Variants in TBC1D8 observed in about 807,000 individuals in gnomAD.
TBC1D8 encodes the protein BUB2-like protein 1.
TBC1D8 carries 65 observed loss-of-function variants against 118.8 expected under a neutral mutation model. The observed-to-expected ratio is 0.55, with a 90% CI of 0.45 to 0.67. TBC1D8 has a LOEUF of 0.67. Ranked by LOEUF, TBC1D8 falls within the 30% of genes least tolerant of loss-of-function variation. The pLI, the probability that TBC1D8 is intolerant of heterozygous loss-of-function variation, is 0.00. For missense variants in TBC1D8, 1,376 were observed against 1,471.2 expected, an observed-to-expected ratio of 0.94 and a Z score of 1.06; for synonymous variants, 566 against 595.8, an observed-to-expected ratio of 0.95 and a Z score of 0.73.
At chr2:101,115,533 T>C (rs1233130941) in intron 1 of TBC1D8, among the ~76,000 whole-genome samples, 1 of 152,138 alleles carries the variant, frequency 6.6e-6, no homozygotes, top group Non-Finnish European at 1.5e-5. Flanking sequence ...GGTGGATCAC[T>C]TGAGGCCAGG....
At chr2:101,136,343 T>A (rs1172545903) in intron 1 of TBC1D8, among the ~76,000 whole-genome samples, 1 of 152,206 alleles carries the variant, frequency 6.6e-6, no homozygotes, top group Non-Finnish European at 1.5e-5. Context: ...CCATGTGATC[T>A]GTGTACACAG....
intron 2 of TBC1D8, among the ~76,000 whole-genome samples, chr2:101,066,357 G>A (rs1283522312): frequency 1.3e-5 from 2 of 152,008 alleles, no homozygotes; most frequent in Non-Finnish European, 2.9e-5. Context: ...GTACAGGCCT[G>A]TTAAGAAGCC....
intron 4 of TBC1D8, among the ~76,000 whole-genome samples, chr2:101,051,352 G>A (rs942295559): frequency 2.0e-5 from 3 of 152,108 alleles, no homozygotes; most frequent in African/African-American, 7.2e-5. Flanking sequence ...CACAATGATT[G>A]AGCTAATTTA....
chr2:101,149,896 C>A lies in TBC1D8; in HGVS notation c.127+1231G>T, dbSNP rs1382743776. Among the ~76,000 whole-genome samples, 4 of 152,322 alleles carry A rather than the reference C, an allele frequency of 2.6e-5. No homozygotes were observed. The East Asian group carries it at 7.7e-4, about 29-fold the overall frequency. ...AAGTTGAGTCCTTGTTGCCACTCAA[C>A]AGGACCACTGGTTACCAAAGCACCG... On this transcript the variant is annotated intron_variant, in intron 1 of 19. Coordinates refer to ENST00000409318, the MANE Select transcript of TBC1D8 (RefSeq NM_001330348.2).
At chr2:101,058,227 T>A (rs893146416) in intron 3 of TBC1D8, among the ~76,000 whole-genome samples, 1 of 152,118 alleles carries the variant, frequency 6.6e-6, no homozygotes, top group Non-Finnish European at 1.5e-5. Flanking sequence ...GAAGACATTG[T>A]CAAGCTGGCT....
At chr2:101,082,714 G>A (rs1461328007) in intron 2 of TBC1D8, among the ~76,000 whole-genome samples, 2 of 152,180 alleles carry the variant, frequency 1.3e-5, no homozygotes, top group East Asian at 1.9e-4. Context: ...CGAGGTGCCC[G>A]AGTAGGCAAA....
chr2:101,077,276 G>T (rs544867651), intron 2 of TBC1D8, among the ~76,000 whole-genome samples: 1 of 113,098 alleles, frequency 8.8e-6, no homozygotes, highest in East Asian at 2.4e-4. Context: ...ACCCACCTCG[G>T]CCTCCCAAAG....
chr2:101,040,089 T>A (rs1681283030), intron 6 of TBC1D8, 89 bp downstream of exon 6: 1 of 1,458,302 alleles, frequency 6.9e-7, no homozygotes, highest in South Asian at 1.3e-5. Flanking sequence ...CGTCTGAACT[T>A]CCCCTCCCAC....
intron 11 of TBC1D8, among the ~76,000 whole-genome samples, chr2:101,031,581 G>A (rs1452680085): frequency 6.6e-6 from 1 of 152,168 alleles, no homozygotes; most frequent in East Asian, 1.9e-4. Flanking sequence ...AACCATTTTT[G>A]TATTGTTTAC....
chr2:101,113,328 T>G (rs1677687147), intron 1 of TBC1D8, among the ~76,000 whole-genome samples: 1 of 152,064 alleles, frequency 6.6e-6, no homozygotes, highest in Non-Finnish European at 1.5e-5. Flanking sequence ...CTAGCCTCTT[T>G]CCTTACTGGC....
At chr2:101,091,438 A>C (rs1472244405) in intron 1 of TBC1D8, among the ~76,000 whole-genome samples, 2 of 152,020 alleles carry the variant, frequency 1.3e-5, no homozygotes, top group Admixed American at 1.3e-4. Flanking sequence ...CAAAAAAGGC[A>C]TCCCAAGCTG....
chr2:101,146,940 AGTGG>A (rs1679340975), intron 1 of TBC1D8, among the ~76,000 whole-genome samples: 1 of 152,208 alleles, frequency 6.6e-6, no homozygotes, highest in Non-Finnish European at 1.5e-5. Flanking sequence ...TACACATATA[AGTGG>A]GATCATGCAG....
chr2:101,150,959 CG>C (rs1388630010), intron 1 of TBC1D8, among the ~76,000 whole-genome samples, 167 bp downstream of exon 1: 4 of 152,022 alleles, frequency 2.6e-5, no homozygotes, highest in Admixed American at 2.6e-4. Flanking sequence ...CGGGAGCCCG[CG>C]GGAGAAACGC....
intron 1 of TBC1D8, among the ~76,000 whole-genome samples, chr2:101,147,748 G>A (rs1679378028): frequency 6.6e-6 from 1 of 152,050 alleles, no homozygotes; most frequent in Non-Finnish European, 1.5e-5. Context: ...CCACTCACTT[G>A]AAGTGCTTCA....
At chr2:101,065,253 G>A (rs1221556664) in intron 2 of TBC1D8, among the ~76,000 whole-genome samples, 1 of 152,214 alleles carries the variant, frequency 6.6e-6, no homozygotes, top group African/African-American at 2.4e-5. Flanking sequence ...CATTCTGTGT[G>A]TATAGTTCAG....
At chr2:101,092,379 C>T (rs1676095787) in intron 1 of TBC1D8, among the ~76,000 whole-genome samples, 1 of 152,196 alleles carries the variant, frequency 6.6e-6, no homozygotes, top group South Asian at 2.1e-4. Flanking sequence ...TGGTAACGTT[C>T]GCTTTCATCA....
At chr2:101,114,152 C>T (rs796225003) in intron 1 of TBC1D8, among the ~76,000 whole-genome samples, 27 of 152,300 alleles carry the variant, frequency 1.8e-4, no homozygotes, top group African/African-American at 6.0e-4. Context: ...AAGTGTTTGG[C>T]ACGACTGTTT....
At chr2:101,140,962 A>G (rs549518219) in intron 1 of TBC1D8, among the ~76,000 whole-genome samples, 3 of 151,932 alleles carry the variant, frequency 2.0e-5, no homozygotes, top group Non-Finnish European at 4.4e-5. Context: ...GGGTTTCACC[A>G]CGTTGGCCAG....
chr2:101,013,440 G>T (rs189356133), intron 17 of TBC1D8, among the ~76,000 whole-genome samples: 6 of 152,158 alleles, frequency 3.9e-5, no homozygotes, highest in Non-Finnish European at 5.9e-5. Context: ...TAATTCAAGC[G>T]TCTAAATGGA....
Sources: allele counts gnomAD v4.1 joint callset (sites outside exome capture counted in the v4.1 genomes callset), GRCh38; gene constraint gnomAD v4.1.1; transcripts MANE v1.5; gene names NCBI Gene and HGNC (gene_info 2026-07-23, HGNC 2026-07-21).